CDK14: variants seen among roughly 807,000 people sequenced by gnomAD.
The protein encoded by CDK14 is cyclin dependent kinase 14.
CDK14 carries 34 observed loss-of-function variants against 60.7 expected under a neutral mutation model. The observed-to-expected ratio is 0.56, with a 90% CI of 0.43 to 0.75. CDK14 has a LOEUF of 0.75. CDK14 is among the 30% of genes least tolerant of loss of function. CDK14 has a pLI of 0.00. For synonymous variants in CDK14, 197 were observed against 203.7 expected (o/e 0.97, Z 0.28); for missense variants, 482 against 564.1 (o/e 0.85, Z 1.47).
chr7:90,697,120 G>C (rs1801676776), intron 2 of CDK14, among the ~76,000 whole-genome samples: 1 of 152,140 alleles, frequency 6.6e-6, no homozygotes, highest in Admixed American at 6.5e-5. Flanking sequence ...TCTTTTTGAG[G>C]AATTTTGATA....
chr7:91,125,574 C>G (rs1799916547), intron 14 of CDK14, among the ~76,000 whole-genome samples: 1 of 151,890 alleles, frequency 6.6e-6, no homozygotes, highest in African/African-American at 2.4e-5. Flanking sequence ...ACCATTCATA[C>G]AGCCAAAAAG....
chr7:90,777,757 G>A (rs1313216346), intron 4 of CDK14, among the ~76,000 whole-genome samples: 1 of 152,192 alleles, frequency 6.6e-6, no homozygotes, highest in Non-Finnish European at 1.5e-5. Flanking sequence ...AGACTGCCAG[G>A]ATGGAATCCT....
intron 2 of CDK14, chr7:90,709,644 T>G: frequency 1.2e-6 from 2 of 1,605,184 alleles, no homozygotes; most frequent in Non-Finnish European, 1.7e-6. Context: ...AAAAATTAGA[T>G]TTTTTGGAGA....
intron 2 of CDK14, among the ~76,000 whole-genome samples, chr7:90,678,516 T>C (rs1282967090): frequency 6.6e-6 from 1 of 152,232 alleles, no homozygotes; most frequent in Non-Finnish European, 1.5e-5. Context: ...ATATCATCAG[T>C]GTTTATTGAA....
At chr7:90,673,748 T>G (rs933174200) in intron 2 of CDK14, among the ~76,000 whole-genome samples, 1 of 152,180 alleles carries the variant, frequency 6.6e-6, no homozygotes, top group South Asian at 2.1e-4. Flanking sequence ...AAAGTATAAT[T>G]TCATGCCTTA....
chr7:90,996,523 A>G (rs802417), intron 10 of CDK14, among the ~76,000 whole-genome samples: 12,966 of 152,292 alleles, frequency 0.085, 1,195 homozygotes, highest in East Asian at 0.47. Flanking sequence ...TACCCAAGTC[A>G]TTGAAGCATT....
At chr7:90,774,227 TTATA>T (rs1026455268) in intron 4 of CDK14, among the ~76,000 whole-genome samples, 5 of 152,166 alleles carry the variant, frequency 3.3e-5, no homozygotes, top group African/African-American at 1.2e-4. Context: ...CTTATACCAG[TTATA>T]TATAACGCTT....
rs573728737 is a variant in CDK14 at position 90,715,375 on chromosome 7, T to C, written c.124-11192T>C. On this transcript the variant is annotated intron_variant, in intron 2 of 14. Coordinates refer to ENST00000380050, the MANE Select transcript of CDK14 (RefSeq NM_001287135.2). ...GTAGAAAGCGTCCTGGACCATATTA[T>C]TGATTTCAAGTCTATGAATCTGAGA... 2.0e-5 allele frequency among the ~76,000 whole-genome samples: 3 copies of C among 152,198 alleles called. No homozygotes were observed. The East Asian group carries it at 5.8e-4, about 29-fold the overall frequency.
chr7:90,920,700 T>A (rs1032099309), intron 8 of CDK14, among the ~76,000 whole-genome samples: 1 of 152,246 alleles, frequency 6.6e-6, no homozygotes, highest in Non-Finnish European at 1.5e-5. Context: ...TATGCTGTTT[T>A]CTATATATAA....
chr7:90,710,707 C>A, intron 2 of CDK14: 1 of 243,162 alleles, frequency 4.1e-6, no homozygotes, highest in Non-Finnish European at 6.6e-6. Context: ...AGAACCCCTG[C>A]ATTCATGAAG....
At chr7:90,639,830 C>T (rs1474633204) in intron 2 of CDK14, among the ~76,000 whole-genome samples, 1 of 152,136 alleles carries the variant, frequency 6.6e-6, no homozygotes, top group African/African-American at 2.4e-5. Context: ...ATGGCGGGCG[C>T]CCCTCCCCCA....
intron 2 of CDK14, among the ~76,000 whole-genome samples, chr7:90,717,223 A>G (rs1180628478): frequency 1.3e-5 from 2 of 152,110 alleles, no homozygotes; most frequent in Non-Finnish European, 2.9e-5. Flanking sequence ...GCATCTACCT[A>G]TATGAGCCTA....
intron 6 of CDK14, among the ~76,000 whole-genome samples, chr7:90,863,558 A>G (rs1791075146): frequency 6.6e-6 from 1 of 152,182 alleles, no homozygotes; most frequent in South Asian, 2.1e-4. Context: ...TTTATTACAT[A>G]GGATTCAACA....
intron 7 of CDK14, among the ~76,000 whole-genome samples, chr7:90,913,695 A>G (rs1792982277): frequency 6.6e-6 from 1 of 152,194 alleles, no homozygotes; most frequent in Admixed American, 6.5e-5. Flanking sequence ...GTTTGTGACA[A>G]AAGTCTGTCC....
intron 14 of CDK14, among the ~76,000 whole-genome samples, chr7:91,201,626 A>T: frequency 6.6e-6 from 1 of 152,228 alleles, no homozygotes; most frequent in East Asian, 1.9e-4. Context: ...ACATCGAAGC[A>T]CACTGAGTGG....
intron 8 of CDK14, among the ~76,000 whole-genome samples, chr7:90,918,742 C>T (rs1397703813): frequency 6.6e-6 from 1 of 152,094 alleles, no homozygotes; most frequent in Non-Finnish European, 1.5e-5. Context: ...TATCTTTTTC[C>T]TCTCCACCCC....
intron 5 of CDK14, among the ~76,000 whole-genome samples, chr7:90,797,583 A>G (rs1259718730): frequency 6.6e-6 from 1 of 151,944 alleles, no homozygotes; most frequent in African/African-American, 2.4e-5. Flanking sequence ...CACTGTTGTA[A>G]AGAAATACCT....
At chr7:91,137,085 C>T (rs1376810026) in intron 14 of CDK14, among the ~76,000 whole-genome samples, 1 of 152,102 alleles carries the variant, frequency 6.6e-6, no homozygotes, top group East Asian at 1.9e-4. Flanking sequence ...TGACAATGCC[C>T]AAATTAGAGC....
At chr7:91,153,773 T>G (rs942210514) in intron 14 of CDK14, among the ~76,000 whole-genome samples, 2 of 152,148 alleles carry the variant, frequency 1.3e-5, no homozygotes, top group African/African-American at 4.8e-5. Flanking sequence ...GAAAAATAAC[T>G]AATGGGTACT....
Sources: gnomAD v4.1 joint callset for allele counts (sites outside exome capture counted in the v4.1 genomes callset) on GRCh38, gnomAD v4.1.1 for gene constraint, MANE v1.5 for transcripts, NCBI Gene and HGNC (gene_info 2026-07-23, HGNC 2026-07-21) for gene names.